The following PM20D2 variants were observed in gnomAD, a reference collection of about 807,000 sequenced individuals.
PM20D2 encodes the protein xaa-Arg dipeptidase.
In PM20D2, 33 loss-of-function variants were observed where a neutral mutation model predicts 42.9. The ratio of observed to expected loss-of-function variants is 0.77; its 90% CI spans 0.58 to 1.03. The LOEUF is 1.03. PM20D2 is among the 50% of genes least tolerant of loss of function. The pLI is 0.00. For synonymous variants in PM20D2, 250 were observed against 228.2 expected, an observed-to-expected ratio of 1.10 and a Z score of -0.86; for missense variants, 548 against 557.0, an observed-to-expected ratio of 0.98 and a Z score of 0.16.
chr6:89,126,130 C>T, the PM20D2 span, among the ~76,000 whole-genome samples: 1 of 151,598 alleles, frequency 6.6e-6, no homozygotes, highest in Admixed American at 6.6e-5. Context: ...CATGGTGTCT[C>T]ATGCCTGTAG....
At chr6:89,146,031 C>T (rs1057111615), upstream of PM20D2, 17 of 954,768 alleles carry the variant, frequency 1.8e-5, no homozygotes, top group Non-Finnish European at 2.3e-5. Context: ...AGCTGTGTGG[C>T]CGCGTGCGCG....
In PM20D2 at chr6:89,164,590, TATATG is replaced by T. The variant is rs1274558665; in HGVS notation, c.*2332_*2336del. On this transcript the variant is annotated 3_prime_UTR_variant, in exon 7 of 7. Transcript: ENST00000275072. ...TGGTTTTGTCAAAGTTTTACGAAAA[TATATG>T]ATATATATTTATACTAAAACTATAT... 2.0e-5 allele frequency: 3 copies of T among 152,262 alleles called. No homozygotes were observed. Among genetic ancestry groups the T allele is most frequent in the Non-Finnish European group, 4.4e-5 (3 of 67,988 alleles). The allele number at this position is 152,262 out of a possible 1,614,324, so 9.4% of individuals were successfully genotyped here.
chr6:89,140,407 G>C, the PM20D2 span, among the ~76,000 whole-genome samples: 1 of 152,096 alleles, frequency 6.6e-6, no homozygotes, highest in African/African-American at 2.4e-5. Context: ...GCAACAAATT[G>C]ACCAGGAAGT....
the PM20D2 span, among the ~76,000 whole-genome samples, chr6:89,118,254 G>T: frequency 6.6e-6 from 1 of 152,180 alleles, no homozygotes; most frequent in Non-Finnish European, 1.5e-5. Flanking sequence ...GAGGCCAAGA[G>T]GGGGCTTGAG....
chr6:89,149,193 G>A, intron 1 of PM20D2, 72 bp from the exon 2 acceptor site: 1 of 1,521,108 alleles, frequency 6.6e-7, no homozygotes, highest in Non-Finnish European at 8.9e-7. Context: ...GAATACATAT[G>A]CAGGTGAACC....
At chr6:89,147,015 G>C (rs1162922424) in intron 1 of PM20D2, among the ~76,000 whole-genome samples, 1 of 152,120 alleles carries the variant, frequency 6.6e-6, no homozygotes, top group Non-Finnish European at 1.5e-5. Context: ...GTAATCCTAC[G>C]GCCCCTTTTT....
chr6:89,106,156 T>C, the PM20D2 span, among the ~76,000 whole-genome samples: 1 of 151,910 alleles, frequency 6.6e-6, no homozygotes, highest in Admixed American at 6.5e-5. Flanking sequence ...GTTTCCCTCT[T>C]GTCACCCAGG....
the PM20D2 span, among the ~76,000 whole-genome samples, chr6:89,099,254 A>G: frequency 4.6e-5 from 7 of 151,920 alleles, no homozygotes; most frequent in Non-Finnish European, 8.8e-5. Flanking sequence ...AAATCTGAAG[A>G]AAAAAAGATT....
chr6:89,127,408 C>T, the PM20D2 span, among the ~76,000 whole-genome samples: 73 of 151,228 alleles, frequency 4.8e-4, no homozygotes, highest in African/African-American at 1.8e-3. Flanking sequence ...TGGCTCACTG[C>T]AACCTCTGCC....
chr6:89,148,066 C>T (rs1173830728), intron 1 of PM20D2, among the ~76,000 whole-genome samples: 3 of 150,340 alleles, frequency 2.0e-5, no homozygotes, highest in Admixed American at 6.6e-5. Flanking sequence ...CTACAACCTC[C>T]GCCTCCCGGG....
chr6:89,108,494 G>T, the PM20D2 span, among the ~76,000 whole-genome samples: 1 of 152,152 alleles, frequency 6.6e-6, no homozygotes, highest in Non-Finnish European at 1.5e-5. Context: ...TCTCATACTG[G>T]TCCATCTTAA....
chr6:89,132,958 C>T, the PM20D2 span, among the ~76,000 whole-genome samples: 3 of 150,908 alleles, frequency 2.0e-5, no homozygotes, highest in Non-Finnish European at 4.4e-5. Flanking sequence ...TGCGGCGGCT[C>T]ATACCTGTAG....
At chr6:89,102,550 G>A in the PM20D2 span, among the ~76,000 whole-genome samples, 1 of 151,768 alleles carries the variant, frequency 6.6e-6, no homozygotes, top group Non-Finnish European at 1.5e-5. Context: ...GACAGCTGTA[G>A]GAAGCAAAAT....
chr6:89,151,725 A>T (rs938563668), intron 2 of PM20D2, among the ~76,000 whole-genome samples: 1 of 152,218 alleles, frequency 6.6e-6, no homozygotes, highest in African/African-American at 2.4e-5. Flanking sequence ...TTAAAATTAA[A>T]TAGTATGTCT....
the PM20D2 span, among the ~76,000 whole-genome samples, chr6:89,127,457 A>G: frequency 0.73 from 111,056 of 151,822 alleles, 40,725 homozygotes; most frequent in East Asian, 0.8. Flanking sequence ...AGCCTCCCGA[A>G]TAGCTTGGAT....
chr6:89,130,942 A>G, the PM20D2 span, among the ~76,000 whole-genome samples: 1 of 147,172 alleles, frequency 6.8e-6, no homozygotes, highest in Non-Finnish European at 1.5e-5. Flanking sequence ...GGCTCAAGCA[A>G]TCCACTGGCC....
At chr6:89,149,132 G>A (rs6926895) in intron 1 of PM20D2, 133 bp from the exon 2 acceptor site, 286,314 of 1,094,512 alleles carry the variant, frequency 0.26, 38,487 homozygotes, top group Admixed American at 0.35. Context: ...TTGCGTAAGC[G>A]TCATAGAACA....
chr6:89,148,028 C>T (rs1024463717), intron 1 of PM20D2, among the ~76,000 whole-genome samples: 2 of 141,246 alleles, frequency 1.4e-5, no homozygotes, highest in African/African-American at 5.3e-5. Context: ...GTCGCCCAGG[C>T]CGAGTGCAGT....
upstream of PM20D2, among the ~76,000 whole-genome samples, chr6:89,145,079 T>G (rs952936262): frequency 1.3e-5 from 2 of 152,168 alleles, no homozygotes; most frequent in Admixed American, 1.3e-4. Context: ...TGAGACAAAT[T>G]AAGGAAAGAT....
Sources: gnomAD v4.1 joint callset for allele counts (sites outside exome capture counted in the v4.1 genomes callset) on GRCh38, gnomAD v4.1.1 for gene constraint, MANE v1.5 for transcripts, NCBI Gene and HGNC (gene_info 2026-07-23, HGNC 2026-07-21) for gene names.